HSPBAP1: variants seen among roughly 807,000 people sequenced by gnomAD.
HSPBAP1 encodes the protein HSPB1 associated protein 1, also known as HSPB1-associated protein 1.
HSPBAP1 carries 27 observed loss-of-function variants against 45.2 expected under a neutral mutation model. The ratio of observed to expected loss-of-function variants is 0.60; its 90% CI spans 0.44 to 0.82. HSPBAP1 has a LOEUF of 0.82. HSPBAP1 is among the 40% of genes least tolerant of loss of function. The probability of loss-of-function intolerance (pLI) is 0.00; values close to 1 mark genes in which losing one functional copy is unlikely to be tolerated. For missense variants in HSPBAP1, 510 were observed against 590.9 expected (o/e 0.86, Z 1.42); for synonymous variants, 204 against 202.7 (o/e 1.01, Z -0.06).
At chr3:122,774,283 G>A (rs1353682321) in intron 2 of HSPBAP1, among the ~76,000 whole-genome samples, 1 of 152,204 alleles carries the variant, frequency 6.6e-6, no homozygotes, top group South Asian at 2.1e-4. Context: ...TATGGGGAAG[G>A]ATAGATTTGG....
intron 3 of HSPBAP1, among the ~76,000 whole-genome samples, chr3:122,762,167 A>G (rs1035336470): frequency 3.3e-5 from 5 of 152,196 alleles, no homozygotes; most frequent in African/African-American, 7.2e-5. Flanking sequence ...CTGGTAGCTT[A>G]CAGAGGAGGG....
At chr3:122,787,531 T>A in intron 1 of HSPBAP1, among the ~76,000 whole-genome samples, 1 of 152,200 alleles carries the variant, frequency 6.6e-6, no homozygotes, top group East Asian at 1.9e-4. Context: ...TAAAGATTTT[T>A]AAAAACCTTT....
intron 6 of HSPBAP1, among the ~76,000 whole-genome samples, chr3:122,746,711 T>C (rs1032175738): frequency 1.1e-4 from 17 of 151,944 alleles, no homozygotes; most frequent in African/African-American, 3.9e-4. Context: ...GAGCCGAAGC[T>C]GGACTGTACT....
At chr3:122,758,896 CAA>C (rs11369405) in intron 4 of HSPBAP1, 10,302 of 193,940 alleles carry the variant, frequency 0.053, no homozygotes, top group Middle Eastern at 0.11. Context: ...TCTAATTTAC[CAA>C]AAAAAAAAAA....
At chr3:122,768,936 A>AT in intron 2 of HSPBAP1, 54 bp from the exon 3 acceptor site, 1 of 1,149,378 alleles carries the variant, frequency 8.7e-7, no homozygotes, top group Non-Finnish European at 1.2e-6. Context: ...TTTCCTAATT[A>AT]TTGTTTTTTT....
chr3:122,776,939 C>T (rs1014452070), intron 2 of HSPBAP1, among the ~76,000 whole-genome samples: 1 of 152,100 alleles, frequency 6.6e-6, no homozygotes, highest in Admixed American at 6.5e-5. Flanking sequence ...GCCACTTTAC[C>T]TCAATGCTTA....
chr3:122,755,437 TAAAAA>T lies in HSPBAP1; in HGVS notation c.570-11_570-7del. On this transcript the variant is annotated splice_polypyrimidine_tract_variant and splice_region_variant and intron_variant, in intron 4 of 7. Transcript: ENST00000306103. The stretch of plus-strand genomic sequence containing the variant: ...GAAAGAGATGCCATCGTTTCCTAAT[TAAAAA>T]AAAAAAAAAAAGATACAAGTTAGTA... 2 of 1,184,240 alleles carry T rather than the reference TAAAAA, an allele frequency of 1.7e-6. No homozygotes were observed. Among genetic ancestry groups the T allele is most frequent in the Non-Finnish European group, 2.2e-6 (2 of 906,264 alleles). 73.4% of individuals were successfully genotyped at this position (1,184,240 alleles called of 1,614,324 possible). A position where few individuals can be genotyped will look rare whatever the true frequency, so the allele number is the denominator to read the frequency against.
At chr3:122,749,581 A>G (rs1018501198) in intron 6 of HSPBAP1, among the ~76,000 whole-genome samples, 4 of 152,284 alleles carry the variant, frequency 2.6e-5, no homozygotes, top group Non-Finnish European at 4.4e-5. Flanking sequence ...TAGTAATATT[A>G]CTATTTGAAT....
chr3:122,761,789 T>C (rs1277803183), intron 3 of HSPBAP1: 1 of 139,580 alleles, frequency 7.2e-6, no homozygotes, highest in African/African-American at 2.8e-5. Flanking sequence ...AGCAAGACCT[T>C]GTCTCAAAAA....
chr3:122,772,235 T>C (rs1034979360), intron 2 of HSPBAP1, among the ~76,000 whole-genome samples: 2 of 152,320 alleles, frequency 1.3e-5, no homozygotes, highest in East Asian at 3.9e-4. Context: ...TAATTAATTA[T>C]AGAGCTTAAT....
At chr3:122,776,889 A>T (rs1935208214) in intron 2 of HSPBAP1, among the ~76,000 whole-genome samples, 1 of 152,196 alleles carries the variant, frequency 6.6e-6, no homozygotes, top group South Asian at 2.1e-4. Flanking sequence ...GAAGCTGGGG[A>T]CTTTTCTAGT....
intron 1 of HSPBAP1, among the ~76,000 whole-genome samples, chr3:122,784,108 C>T (rs138185661): frequency 0.011 from 1,736 of 152,316 alleles, 27 homozygotes; most frequent in African/African-American, 0.039. Flanking sequence ...GGACTACAGG[C>T]ATGAGCCACC....
intron 1 of HSPBAP1, among the ~76,000 whole-genome samples, chr3:122,790,792 C>T (rs1222171522): frequency 1.3e-5 from 2 of 151,964 alleles, no homozygotes; most frequent in African/African-American, 4.8e-5. Flanking sequence ...GACCAGCCTA[C>T]GGAACATTGT....
intron 4 of HSPBAP1, among the ~76,000 whole-genome samples, chr3:122,757,300 C>T (rs544318775): frequency 3.8e-4 from 58 of 152,306 alleles, no homozygotes; most frequent in African/African-American, 1.4e-3. Context: ...TTCTGGTCTA[C>T]TCCCTCTGTC....
chr3:122,787,473 A>G (rs537486310), intron 1 of HSPBAP1, among the ~76,000 whole-genome samples: 1 of 152,336 alleles, frequency 6.6e-6, no homozygotes, highest in East Asian at 1.9e-4. Flanking sequence ...AAAATCTTGA[A>G]ATTGAAATTA....
chr3:122,767,272 C>T (rs1934815877), intron 3 of HSPBAP1, among the ~76,000 whole-genome samples: 1 of 152,232 alleles, frequency 6.6e-6, no homozygotes, highest in African/African-American at 2.4e-5. Context: ...GGCACAGTGG[C>T]TCACGCCTGT....
chr3:122,762,696 A>G (rs1934639893), intron 3 of HSPBAP1, among the ~76,000 whole-genome samples: 1 of 152,206 alleles, frequency 6.6e-6, no homozygotes, highest in South Asian at 2.1e-4. Flanking sequence ...TCTTTTTGTC[A>G]TGAATTTTTA....
intron 2 of HSPBAP1, among the ~76,000 whole-genome samples, chr3:122,770,964 C>T (rs1934973656): frequency 6.6e-6 from 1 of 152,222 alleles, no homozygotes. Flanking sequence ...GAGCTACTTG[C>T]CCCTGGGGCG....
At chr3:122,775,642 T>G (rs1935168563) in intron 2 of HSPBAP1, among the ~76,000 whole-genome samples, 2 of 151,892 alleles carry the variant, frequency 1.3e-5, no homozygotes, top group South Asian at 4.2e-4. Context: ...TAAAATGGAG[T>G]GTTGGCAAGG....
Sources: gnomAD v4.1 joint callset for allele counts (sites outside exome capture counted in the v4.1 genomes callset) on GRCh38, gnomAD v4.1.1 for gene constraint, MANE v1.5 for transcripts, NCBI Gene and HGNC (gene_info 2026-07-23, HGNC 2026-07-21) for gene names.